Variants in NXPE4 observed in about 807,000 individuals in gnomAD.
NXPE4 encodes NXPE family member 4.
NXPE4 carries 42 observed loss-of-function variants against 33.3 expected under a neutral mutation model. That is an observed-to-expected ratio of 1.26 (90% confidence interval 0.98 to 1.63). The LOEUF is 1.63. Ranked by LOEUF, NXPE4 falls within the 40% of genes most tolerant of loss-of-function variation. The probability of loss-of-function intolerance (pLI) is 0.00; values close to 1 mark genes in which losing one functional copy is unlikely to be tolerated. For synonymous variants in NXPE4, 253 were observed against 234.9 expected, an observed-to-expected ratio of 1.08 and a Z score of -0.71; for missense variants, 709 against 647.6, an observed-to-expected ratio of 1.09 and a Z score of -1.03.
At chr11:114,583,427 G>A in intron 2 of NXPE4, 1 of 663,244 alleles carries the variant, frequency 1.5e-6, no homozygotes, top group Non-Finnish European at 2.8e-6. Flanking sequence ...CCCTCACAAA[G>A]CCAATGCTGA....
rs543250723 is a variant in NXPE4, at chr11:114,571,041, A to G, written c.1532T>C (p.Ile511Thr). The change falls in exon 6 of 6, where the codon ATT (isoleucine) becomes ACT (threonine). Residue 511 changes from isoleucine to threonine, a missense_variant. Physicochemically the swap from Ile to Thr is moderately conservative, Grantham distance 89. Coordinates refer to ENST00000375478, the MANE Select transcript of NXPE4 (RefSeq NM_001077639.2). ...TGCAATTGTTATATCCCAGGCATCAATGATACTCACACTGAGATCCTGGAA... is the reference window on the plus strand; with the variant it reads ...TGCAATTGTTATATCCCAGGCATCAGTGATACTCACACTGAGATCCTGGAA... ...DIFQDLSVSIIDAWDITIAYG... is the reference protein window; with the variant it reads ...DIFQDLSVSITDAWDITIAYG... 2.3e-5 allele frequency: 37 copies of G among 1,613,802 alleles called. No individual in the cohort carries two copies. The Admixed American group carries it at 4.7e-4, about 20-fold the overall frequency.
At chr11:114,663,625 C>CTA in the NXPE4 span, among the ~76,000 whole-genome samples, 1 of 55,668 alleles carries the variant, frequency 1.8e-5, no homozygotes, top group Non-Finnish European at 4.3e-5. Context: ...ATCTATCTAT[C>CTA]TATCTATCTA....
At chr11:114,591,894 T>A (rs1312798509) in intron 2 of NXPE4, among the ~76,000 whole-genome samples, 1 of 152,126 alleles carries the variant, frequency 6.6e-6, no homozygotes, top group Non-Finnish European at 1.5e-5. Context: ...TTTTTGAAAG[T>A]CCATTTGTCA....
chr11:114,586,369 T>G (rs1949298059), intron 2 of NXPE4, among the ~76,000 whole-genome samples: 1 of 152,146 alleles, frequency 6.6e-6, no homozygotes, highest in Non-Finnish European at 1.5e-5. Context: ...CCGAGGAAGA[T>G]TCATAGAAGG....
At chr11:114,671,479 C>A in the NXPE4 span, among the ~76,000 whole-genome samples, 1 of 151,588 alleles carries the variant, frequency 6.6e-6, no homozygotes. Context: ...AAATCCACAC[C>A]CAGACACATC....
chr11:114,574,720 A>C (rs1948960088), intron 5 of NXPE4, among the ~76,000 whole-genome samples: 1 of 151,978 alleles, frequency 6.6e-6, no homozygotes, highest in Non-Finnish European at 1.5e-5. Flanking sequence ...TGCCAACACA[A>C]AAAGTTCAGG....
intron 5 of NXPE4, among the ~76,000 whole-genome samples, chr11:114,576,373 T>G (rs1453145673): frequency 6.6e-6 from 1 of 151,978 alleles, no homozygotes; most frequent in Non-Finnish European, 1.5e-5. Flanking sequence ...AACTAAAAAC[T>G]TCTGCATAGC....
chr11:114,583,646 G>T, intron 2 of NXPE4: 1 of 589,138 alleles, frequency 1.7e-6, no homozygotes. Flanking sequence ...GATGGACACT[G>T]CTGTGAATTG....
rs1452374972 is a variant in NXPE4 at position 114,582,587 on chromosome 11, C to G, written c.531G>C (p.Leu177=). Residue 177 remains leucine, a synonymous_variant, in exon 3 of 6, where the codon CTG becomes CTC. Transcript: ENST00000375478. ...CACTGGGGTGGATGAGCAGCAGAGACAGAGAGACCTGGCCCTCCCAGAACA... is the reference window on the plus strand; with the variant it reads ...CACTGGGGTGGATGAGCAGCAGAGAGAGAGAGACCTGGCCCTCCCAGAACA... ...FTLFWEGQVS[L]SLLLIHPSEG... 2 of 1,614,192 alleles carry G rather than the reference C, an allele frequency of 1.2e-6. No homozygotes were observed. Among genetic ancestry groups the G allele is most frequent in the East Asian group, 4.5e-5 (2 of 44,888 alleles).
At chr11:114,632,789 TA>T in the NXPE4 span, among the ~76,000 whole-genome samples, 9 of 1,194 alleles carry the variant, frequency 7.5e-3, no homozygotes, top group Non-Finnish European at 0.013. Flanking sequence ...TTATATATTA[TA>T]TAATTATATA....
Position 114,570,682 on chromosome 11 carries a change from C to T in NXPE4, c.*256G>A, listed in dbSNP as rs1164138288. 3 of 284,776 alleles carry T rather than the reference C, an allele frequency of 1.1e-5. No homozygotes were observed. In the East Asian group the frequency reaches 1.9e-4, roughly 18 times the overall value. The allele number at this position is 284,776 out of a possible 1,614,324, so 17.6% of individuals were successfully genotyped here. On this transcript the variant is annotated 3_prime_UTR_variant, in exon 6 of 6. Transcript: ENST00000375478. ...TTTTACCCATAGGTGTCTTGACTTC[C>T]CATTGGTGAAGAGGGGTATGGCTCT...
the NXPE4 span, among the ~76,000 whole-genome samples, chr11:114,662,498 A>G: frequency 6.6e-6 from 1 of 152,148 alleles, no homozygotes; most frequent in East Asian, 1.9e-4. Flanking sequence ...ATGAGCTGCT[A>G]CTAGTGCTGA....
chr11:114,614,983 A>G, the NXPE4 span, among the ~76,000 whole-genome samples: 1 of 150,674 alleles, frequency 6.6e-6, no homozygotes, highest in South Asian at 2.1e-4. Context: ...CTCGTGAGTA[A>G]CCACTGTTAC....
chr11:114,664,841 G>A, the NXPE4 span, among the ~76,000 whole-genome samples: 4 of 152,100 alleles, frequency 2.6e-5, no homozygotes, highest in Non-Finnish European at 4.4e-5. Flanking sequence ...CAATCACAAG[G>A]GTAAACAACC....
At chr11:114,631,123 C>T in the NXPE4 span, among the ~76,000 whole-genome samples, 1 of 151,928 alleles carries the variant, frequency 6.6e-6, no homozygotes, top group African/African-American at 2.4e-5. Context: ...TGGCGATTCT[C>T]AGGGATCTAG....
At chr11:114,590,311 T>C (rs546548283) in intron 2 of NXPE4, among the ~76,000 whole-genome samples, 1 of 152,316 alleles carries the variant, frequency 6.6e-6, no homozygotes, top group African/African-American at 2.4e-5. Flanking sequence ...AAAACCTTGG[T>C]AAAGTACCTT....
At chr11:114,658,313 A>T in the NXPE4 span, among the ~76,000 whole-genome samples, 15 of 152,212 alleles carry the variant, frequency 9.9e-5, no homozygotes, top group Admixed American at 9.8e-4. Context: ...AATTTTAAAA[A>T]TGAATTTCTA....
chr11:114,656,452 A>G, the NXPE4 span, among the ~76,000 whole-genome samples: 3 of 152,302 alleles, frequency 2.0e-5, no homozygotes, highest in East Asian at 5.8e-4. Flanking sequence ...ATGGAATCAA[A>G]GAAGACCCTC....
chr11:114,659,784 TA>T, the NXPE4 span, among the ~76,000 whole-genome samples: 7 of 151,770 alleles, frequency 4.6e-5, no homozygotes, highest in Non-Finnish European at 1.0e-4. Context: ...AAAAACAAAT[TA>T]AACCCAAAGT....
Sources: gnomAD v4.1 joint callset for allele counts (sites outside exome capture counted in the v4.1 genomes callset) on GRCh38, gnomAD v4.1.1 for gene constraint, MANE v1.5 for transcripts, NCBI Gene and HGNC (gene_info 2026-07-23, HGNC 2026-07-21) for gene names.